STEAP4: variants seen among roughly 807,000 people sequenced by gnomAD.
STEAP4 encodes STEAP4 metalloreductase, also known as metalloreductase STEAP4.
In STEAP4, 36 loss-of-function variants were observed where a neutral mutation model predicts 43.6. That is an observed-to-expected ratio of 0.83 (90% CI 0.63 to 1.09). The LOEUF (loss-of-function observed/expected upper bound fraction) is 1.09, where lower values mean the gene tolerates loss of function less well. STEAP4 is among the 50% of genes least tolerant of loss of function. The pLI, the probability that STEAP4 is intolerant of heterozygous loss-of-function variation, is 0.00. For synonymous variants in STEAP4, 191 were observed against 196.7 expected (o/e 0.97, Z 0.24); for missense variants, 495 against 546.5 (o/e 0.91, Z 0.94).
intron 1 of STEAP4, among the ~76,000 whole-genome samples, chr7:88,301,889 T>C (rs1037238428): frequency 1.3e-5 from 2 of 152,172 alleles, no homozygotes; most frequent in Non-Finnish European, 2.9e-5. Flanking sequence ...TATCACTCTT[T>C]AAAACGAATT....
At chr7:88,289,500 CAGA>C (rs1023519022) in intron 1 of STEAP4, among the ~76,000 whole-genome samples, 2 of 152,156 alleles carry the variant, frequency 1.3e-5, no homozygotes, top group African/African-American at 2.4e-5. Flanking sequence ...CCTGGGGTTT[CAGA>C]AATTTGTGCT....
Position 88,271,642 on chromosome 7 carries a change from T to C in STEAP4, c.*7756A>G, listed in dbSNP as rs1267055291. 6.6e-6 allele frequency: 1 copy of C among 152,212 alleles called. No individual in the cohort carries two copies. Among genetic ancestry groups the C allele is most frequent in the Non-Finnish European group, 1.5e-5 (1 of 68,026 alleles). 9.4% of individuals were successfully genotyped at this position (152,212 alleles called of 1,614,324 possible). On this transcript the variant is annotated 3_prime_UTR_variant, in exon 5 of 5. Transcript: ENST00000380079. Reference sequence around the variant, plus strand: ...AGAAAAACAAATAGCAATGCTTCTTTTTCATCTCAAATGCTTGTAGGCATA... The same window carrying C: ...AGAAAAACAAATAGCAATGCTTCTTCTTCATCTCAAATGCTTGTAGGCATA...
At chr7:88,282,473 G>A in intron 3 of STEAP4, 168 bp downstream of exon 3, 1 of 730,360 alleles carries the variant, frequency 1.4e-6, no homozygotes, top group Non-Finnish European at 2.2e-6. Context: ...AGTTGTATGA[G>A]ATCTAAACTG....
In STEAP4 at chr7:88,271,465, C is replaced by T. The variant is rs1425972418; in HGVS notation, c.*7933G>A. The T allele has an allele frequency of 1.3e-5, 2 of 152,098 alleles. No individual in the cohort carries two copies. Among genetic ancestry groups the T allele is most frequent in the African/African-American group, 4.8e-5 (2 of 41,402 alleles). 9.4% of individuals were successfully genotyped at this position (152,098 alleles called of 1,614,324 possible). A position where few individuals can be genotyped will look rare whatever the true frequency, so the allele number is the denominator to read the frequency against. On this transcript the variant is annotated 3_prime_UTR_variant, in exon 5 of 5. Transcript: ENST00000380079. ...GAACAGTATATTTTGGACATCTTTCCATATATGTGAAAGAAGGTGTCTTGG... is the reference window on the plus strand; with the variant it reads ...GAACAGTATATTTTGGACATCTTTCTATATATGTGAAAGAAGGTGTCTTGG...
At position 88,284,042 on chromosome 7, in the gene STEAP4, G is replaced by A. The variant is rs1227793594; in HGVS notation, c.228C>T (p.Ile76=). Residue 76 remains isoleucine, a synonymous_variant, in exon 2 of 5, where the codon ATC becomes ATT. Transcript: ENST00000380079. ...SYSEAAKKSG[I]IIIAIHREHY... ...GCTCTCTGTGGATTGCTATGATTAT[G>A]ATGCCAGACTTCTTGGCTGCTTCTG... 3 of 1,613,988 alleles carry A rather than the reference G, an allele frequency of 1.9e-6. No individual in the cohort carries two copies. The highest frequency in any genetic ancestry group is 2.5e-6 in the Non-Finnish European group (3 of 1,180,020).
At chr7:88,289,671 ACT>A (rs1852803789) in intron 1 of STEAP4, among the ~76,000 whole-genome samples, 3 of 152,280 alleles carry the variant, frequency 2.0e-5, no homozygotes, top group Middle Eastern at 6.8e-3. Context: ...TCCCACAGAA[ACT>A]CTGAATAATC....
rs749073411 is a variant in STEAP4, at chr7:88,282,792, C to A, written c.833G>T (p.Arg278Leu). The A allele has an allele frequency of 2.5e-6, 4 of 1,614,086 alleles. No homozygotes were observed. Among genetic ancestry groups the A allele is most frequent in the Non-Finnish European group, 3.4e-6 (4 of 1,180,026 alleles). Residue 278 changes from arginine (R) to leucine (L), a missense_variant, in exon 3 of 5, where the codon CGA becomes CTA. Arg to Leu is a moderately radical substitution (Grantham distance 102). Transcript: ENST00000380079. ...LQLYRGTKYR[R>L]FPDWLDHWML... ...CCAGTGGTCAAGCCAGTCTGGGAAT[C>A]GACGGTATTTTGTGCCTCGGTACAG... is the stretch of plus-strand genomic sequence containing the variant.
chr7:88,305,766 C>T (rs1853119101), intron 1 of STEAP4, among the ~76,000 whole-genome samples: 1 of 149,954 alleles, frequency 6.7e-6, no homozygotes, highest in African/African-American at 2.4e-5. Context: ...CATCTTTAGT[C>T]ACGGCTTTTC....
intron 1 of STEAP4, among the ~76,000 whole-genome samples, chr7:88,300,874 T>G (rs1397770969): frequency 1.4e-5 from 2 of 147,736 alleles, no homozygotes; most frequent in Admixed American, 6.8e-5. Flanking sequence ...ACAAGGCTCC[T>G]AAGTTCTTTA....
At chr7:88,295,297 A>G (rs1268319182) in intron 1 of STEAP4, among the ~76,000 whole-genome samples, 1 of 152,182 alleles carries the variant, frequency 6.6e-6, no homozygotes, top group Non-Finnish European at 1.5e-5. Context: ...GCAACTTCTT[A>G]GTTGCTTATG....
At chr7:88,303,768 G>T (rs1245137433) in intron 1 of STEAP4, among the ~76,000 whole-genome samples, 1 of 152,168 alleles carries the variant, frequency 6.6e-6, no homozygotes, top group Non-Finnish European at 1.5e-5. Context: ...TTAATGATTT[G>T]GGAAGAACAA....
intron 2 of STEAP4, 144 bp from the exon 3 acceptor site, chr7:88,283,312 G>T: frequency 1.1e-6 from 1 of 883,912 alleles, no homozygotes; most frequent in Non-Finnish European, 1.6e-6. Flanking sequence ...ATTAACATAT[G>T]TAACAAGATG....
intron 3 of STEAP4, 37 bp downstream of exon 3, chr7:88,282,604 T>A (rs763649484): frequency 1.3e-6 from 2 of 1,567,378 alleles, no homozygotes; most frequent in South Asian, 2.3e-5. Flanking sequence ...AGTCTCTGAT[T>A]TCAGGAGCAG....
chr7:88,284,667 T>C (rs1475835140), intron 1 of STEAP4, among the ~76,000 whole-genome samples: 1 of 152,186 alleles, frequency 6.6e-6, no homozygotes, highest in Non-Finnish European at 1.5e-5. Context: ...AGGTTTATGT[T>C]GATCAAATGG....
At chr7:88,305,524 G>A (rs568901689) in intron 1 of STEAP4, among the ~76,000 whole-genome samples, 3 of 152,206 alleles carry the variant, frequency 2.0e-5, no homozygotes, top group Non-Finnish European at 4.4e-5. Flanking sequence ...GCCATTTGTA[G>A]GGAATAGGAC....
rs1852474214 is a variant in STEAP4 at position 88,273,839 on chromosome 7, C to T, written c.*5559G>A. The T allele has an allele frequency of 6.6e-6, 1 of 152,288 alleles. No homozygotes were observed. Among genetic ancestry groups the T allele is most frequent in the Middle Eastern group, 3.4e-3 (1 of 294 alleles). 9.4% of individuals were successfully genotyped at this position (152,288 alleles called of 1,614,324 possible). On this transcript the variant is annotated 3_prime_UTR_variant, in exon 5 of 5. Coordinates refer to ENST00000380079, the MANE Select transcript of STEAP4 (RefSeq NM_024636.4). ...AAATGGCAATTGCAATGGAATTGAACTTAATGCGGGAACCACAGATCCTGT... is the reference window on the plus strand; with the variant it reads ...AAATGGCAATTGCAATGGAATTGAATTTAATGCGGGAACCACAGATCCTGT...
chr7:88,305,073 C>T (rs900449950), intron 1 of STEAP4, among the ~76,000 whole-genome samples: 4 of 152,042 alleles, frequency 2.6e-5, no homozygotes, highest in Admixed American at 6.5e-5. Flanking sequence ...CAACAGTTAG[C>T]GAGCTTTAGT....
At chr7:88,284,789 GTC>G (rs1852698605) in intron 1 of STEAP4, among the ~76,000 whole-genome samples, 1 of 152,006 alleles carries the variant, frequency 6.6e-6, no homozygotes, top group South Asian at 2.1e-4. Flanking sequence ...TAAGGAAAAA[GTC>G]TGTCATATCT....
At chr7:88,292,829 T>C (rs1321166597) in intron 1 of STEAP4, 1 of 152,202 alleles carries the variant, frequency 6.6e-6, no homozygotes, top group African/African-American at 2.4e-5. Context: ...TCACTCAGCA[T>C]AACATACTTA....
Sources: gnomAD v4.1 joint callset for allele counts (sites outside exome capture counted in the v4.1 genomes callset) on GRCh38, gnomAD v4.1.1 for gene constraint, MANE v1.5 for transcripts, NCBI Gene and HGNC (gene_info 2026-07-23, HGNC 2026-07-21) for gene names.